The following EPHA5 variants were observed in gnomAD, a reference collection of about 807,000 sequenced individuals.
EPHA5 encodes ephrin type-A receptor 5.
A neutral mutation model predicts 105.0 loss-of-function variants in EPHA5; 60 were observed. That is an observed-to-expected ratio of 0.57 (90% CI 0.46 to 0.71). EPHA5 has a LOEUF of 0.71. EPHA5 is among the 30% of genes least tolerant of loss of function. The pLI, the probability that EPHA5 is intolerant of heterozygous loss-of-function variation, is 0.00. For synonymous variants in EPHA5, 513 were observed against 449.1 expected (o/e 1.14, Z -1.80); for missense variants, 1,218 against 1,274.7 (o/e 0.96, Z 0.68).
intron 5 of EPHA5, among the ~76,000 whole-genome samples, chr4:65,435,937 AT>A (rs538437765): frequency 2.6e-5 from 4 of 151,982 alleles, no homozygotes; most frequent in African/African-American, 4.8e-5. Flanking sequence ...TTTAAATATG[AT>A]TTTTTTCTTC....
chr4:65,439,733 T>C (rs1375335883), intron 5 of EPHA5, among the ~76,000 whole-genome samples: 3 of 152,174 alleles, frequency 2.0e-5, no homozygotes, highest in Non-Finnish European at 2.9e-5. Flanking sequence ...TTTACTTTGG[T>C]AATTTCAGTA....
intron 11 of EPHA5, 152 bp downstream of exon 11, chr4:65,364,865 C>T: frequency 3.7e-6 from 2 of 535,514 alleles, no homozygotes; most frequent in Non-Finnish European, 5.8e-6. Context: ...TGAAGATTAG[C>T]TTTAACAAAA....
At chr4:65,348,701 ATATATATGTGTGTGT>A (rs1722489970) in intron 13 of EPHA5, among the ~76,000 whole-genome samples, 2 of 111,786 alleles carry the variant, frequency 1.8e-5, no homozygotes, top group Non-Finnish European at 3.7e-5. Context: ...TATATATAAA[ATATATATGTGTGTGT>A]ATATATATGT....
At chr4:65,407,517 A>AGTT (rs1347516804) in intron 7 of EPHA5, among the ~76,000 whole-genome samples, 1 of 151,764 alleles carries the variant, frequency 6.6e-6, no homozygotes, top group Non-Finnish European at 1.5e-5. Flanking sequence ...TAAAATGCTA[A>AGTT]GACATTTTAT....
intron 5 of EPHA5, among the ~76,000 whole-genome samples, chr4:65,474,624 A>G (rs1560579270): frequency 6.6e-6 from 1 of 152,202 alleles, no homozygotes; most frequent in Non-Finnish European, 1.5e-5. Flanking sequence ...AACATTTCAC[A>G]TCTTCAAAAA....
intron 5 of EPHA5, among the ~76,000 whole-genome samples, chr4:65,483,007 T>C (rs56387351): frequency 0.98 from 148,892 of 152,120 alleles, 72,960 homozygotes; most frequent in Non-Finnish European, 1. Flanking sequence ...CTATCCCTCC[T>C]CACGCCCTCC....
rs1255143503 is a variant in EPHA5, at chr4:65,669,729, C to T, written c.14G>A (p.Gly5Glu). The T allele has an allele frequency of 7.9e-6, 10 of 1,264,560 alleles. No individual in the cohort carries two copies. The highest frequency in any genetic ancestry group is 8.0e-6 in the Non-Finnish European group (8 of 1,003,874). The allele number at this position is 1,264,560 out of a possible 1,614,324, so 78.3% of individuals were successfully genotyped here. A position where few individuals can be genotyped will look rare whatever the true frequency, so the allele number is the denominator to read the frequency against. Residue 5 changes from glycine to glutamate, a missense_variant, in exon 1 of 17, where the codon GGG (glycine) becomes GAG (glutamate). Transcript: ENST00000613740. Reference protein sequence around the residue: MRGSGPRGAGRRRPP... With the variant: MRGSEPRGAGRRRPP... The stretch of plus-strand genomic sequence containing the variant: ...CCGCCGGCGTCCCGCACCCCGGGGC[C>T]CCGAGCCCCGCATCTTCTCCGAGCC...
intron 2 of EPHA5, among the ~76,000 whole-genome samples, chr4:65,602,849 G>T (rs1743872326): frequency 6.6e-6 from 1 of 152,050 alleles, no homozygotes; most frequent in Admixed American, 6.6e-5. Context: ...AATAAAAGTT[G>T]AAAGAAAATC....
chr4:65,506,911 G>C (rs1017839853), intron 3 of EPHA5, among the ~76,000 whole-genome samples: 1 of 151,994 alleles, frequency 6.6e-6, no homozygotes, highest in African/African-American at 2.4e-5. Context: ...TGCTTTTGGT[G>C]TTTGGTGTTT....
At chr4:65,408,632 A>T (rs140993022) in intron 7 of EPHA5, among the ~76,000 whole-genome samples, 10,670 of 152,108 alleles carry the variant, frequency 0.07, 587 homozygotes, top group African/African-American at 0.15. Flanking sequence ...AATCAAAACC[A>T]CAATGAGATA....
At position 65,578,424 on chromosome 4, in the gene EPHA5, G is replaced by C. The variant is rs1316472022; in HGVS notation, c.910+23217C>G. Among the ~76,000 whole-genome samples the C allele has an allele frequency of 2.6e-5, 4 of 152,128 alleles. No individual in the cohort carries two copies. The East Asian group carries it at 5.8e-4, about 22-fold the overall frequency. ...AGGATATAGGACAGGCACTCTCAGGGAGCCAGGCTGTGTTGGGCCTGGACC... is the reference window on the plus strand; with the variant it reads ...AGGATATAGGACAGGCACTCTCAGGCAGCCAGGCTGTGTTGGGCCTGGACC... On this transcript the variant is annotated intron_variant, in intron 3 of 16. Coordinates refer to ENST00000613740, the MANE Select transcript of EPHA5 (RefSeq NM_001281766.3).
intron 2 of EPHA5, among the ~76,000 whole-genome samples, chr4:65,609,414 A>G (rs1744553417): frequency 6.6e-6 from 1 of 152,168 alleles, no homozygotes; most frequent in African/African-American, 2.4e-5. Flanking sequence ...GTATGAAATA[A>G]AACTGAATTT....
chr4:65,373,964 G>C (rs957260984), intron 8 of EPHA5, among the ~76,000 whole-genome samples: 3 of 151,872 alleles, frequency 2.0e-5, no homozygotes, highest in African/African-American at 7.2e-5. Flanking sequence ...TTTATAATAA[G>C]TATTATGCTA....
chr4:65,555,435 T>C (rs1738332906), intron 3 of EPHA5, among the ~76,000 whole-genome samples: 1 of 152,000 alleles, frequency 6.6e-6, no homozygotes, highest in Admixed American at 6.6e-5. Flanking sequence ...AAACAAAAAC[T>C]ACCTAATAGG....
intron 7 of EPHA5, among the ~76,000 whole-genome samples, chr4:65,412,199 G>C (rs1311664183): frequency 6.6e-6 from 1 of 152,138 alleles, no homozygotes; most frequent in Non-Finnish European, 1.5e-5. Context: ...TTGCACTCCA[G>C]TCTGGGCCAT....
At chr4:65,432,816 T>C (rs930707567) in intron 5 of EPHA5, among the ~76,000 whole-genome samples, 1 of 151,698 alleles carries the variant, frequency 6.6e-6, no homozygotes, top group African/African-American at 2.4e-5. Context: ...CTTATTTTTA[T>C]TTGAAGTAGA....
chr4:65,357,294 T>C (rs1392525166), intron 11 of EPHA5, among the ~76,000 whole-genome samples: 3 of 151,498 alleles, frequency 2.0e-5, no homozygotes, highest in East Asian at 1.9e-4. Flanking sequence ...GAGCAAGTTA[T>C]ATAAGGAGTA....
chr4:65,551,144 T>A lies in EPHA5; in HGVS notation c.910+50497A>T, dbSNP rs187365043. On this transcript the variant is annotated intron_variant, in intron 3 of 16. Transcript: ENST00000613740. ...ACATACATATATAAATGATGATAAATGAGCATATCATTTATTATCCAAACA... is the reference window on the plus strand; with the variant it reads ...ACATACATATATAAATGATGATAAAAGAGCATATCATTTATTATCCAAACA... Among the ~76,000 whole-genome samples the A allele has an allele frequency of 1.2e-3, 175 of 147,054 alleles. 1 individual carries two copies. Among genetic ancestry groups the A allele is most frequent in the African/African-American group, 4.1e-3 (163 of 39,584 alleles).
chr4:65,628,721 ATGTC>A (rs1193614945), intron 2 of EPHA5, among the ~76,000 whole-genome samples: 1 of 152,190 alleles, frequency 6.6e-6, no homozygotes, highest in Non-Finnish European at 1.5e-5. Context: ...ACTCATGGTT[ATGTC>A]TTTAACTGTG....
Sources: gnomAD v4.1 joint callset for allele counts (sites outside exome capture counted in the v4.1 genomes callset) on GRCh38, gnomAD v4.1.1 for gene constraint, MANE v1.5 for transcripts, NCBI Gene and HGNC (gene_info 2026-07-23, HGNC 2026-07-21) for gene names.